Variants in TBC1D32 observed in about 807,000 individuals in gnomAD.
TBC1D32 encodes the protein TBC1 domain family member 32.
Under a neutral mutation model 170.3 loss-of-function variants are expected in TBC1D32, and 151 were observed. That is an observed-to-expected ratio of 0.89 (90% CI 0.78 to 1.01). The LOEUF is 1.01. Among genes scored for constraint, TBC1D32 ranks in the 50% least tolerant of loss-of-function variants. TBC1D32 has a pLI of 0.00. For missense variants in TBC1D32, 1,464 were observed against 1,457.1 expected (o/e 1.00, Z -0.08); for synonymous variants, 498 against 488.0 (o/e 1.02, Z -0.27).
intron 15 of TBC1D32, among the ~76,000 whole-genome samples, chr6:121,264,518 C>T (rs1800194645): frequency 6.6e-6 from 1 of 152,158 alleles, no homozygotes; most frequent in South Asian, 2.1e-4. Context: ...CCTGCTGAAA[C>T]TATTCCTAAC....
At chr6:121,295,894 G>A (rs891696132) in intron 10 of TBC1D32, among the ~76,000 whole-genome samples, 2 of 152,056 alleles carry the variant, frequency 1.3e-5, no homozygotes, top group African/African-American at 4.8e-5. Flanking sequence ...TAGCATCTAG[G>A]AACTTGGATT....
At position 121,292,188 on chromosome 6, in the gene TBC1D32, T is replaced by C. The variant is rs1414917889; in HGVS notation, c.1237A>G (p.Lys413Glu). 1.3e-6 allele frequency: 2 copies of C among 1,586,672 alleles called. No homozygotes were observed. Among genetic ancestry groups the C allele is most frequent in the Non-Finnish European group, 1.7e-6 (2 of 1,166,148 alleles). The change falls in exon 12 of 32, where the codon AAG becomes GAG. Residue 413 changes from lysine (K) to glutamate (E), a missense_variant. Physicochemically the swap from Lys to Glu is moderately conservative, Grantham distance 56. Transcript: ENST00000398212. ...CCTAAGTAGTAGAAAGTTTTCTGCT[T>C]GTTTCCTTAAAAGAGAAGCAAACAC... ...TLGHSKHCRN[K>E]QKTFYYLGQE...
chr6:121,284,694 C>CT (rs1345054998), intron 12 of TBC1D32, among the ~76,000 whole-genome samples: 3 of 151,984 alleles, frequency 2.0e-5, no homozygotes, highest in Admixed American at 1.3e-4. Context: ...GAATAAACCA[C>CT]TACAAACTCA....
rs537446039 is a variant in TBC1D32, at chr6:121,241,784, A to T, written c.2158-232T>A. On this transcript the variant is annotated intron_variant, in intron 18 of 31. Coordinates refer to ENST00000398212, the MANE Select transcript of TBC1D32 (RefSeq NM_152730.6). ...ACTGTTAAAGACTAAATTATATTGTAAATTTATTTAATAGTAGAATAATAG... is the reference window on the plus strand; with the variant it reads ...ACTGTTAAAGACTAAATTATATTGTTAATTTATTTAATAGTAGAATAATAG... Among the ~76,000 whole-genome samples, 141 of 152,314 alleles carry T rather than the reference A, an allele frequency of 9.3e-4. 1 individual carries two copies. Among genetic ancestry groups the T allele is most frequent in the African/African-American group, 3.2e-3 (135 of 41,586 alleles).
intron 22 of TBC1D32, among the ~76,000 whole-genome samples, chr6:121,197,197 C>T (rs1292344030): frequency 6.6e-6 from 1 of 152,160 alleles, no homozygotes; most frequent in Admixed American, 6.5e-5. Flanking sequence ...GTACGGAATA[C>T]AGGAGATCCA....
At chr6:121,131,832 G>C in intron 24 of TBC1D32, 80 bp from the exon 25 acceptor site, 1 of 1,136,000 alleles carries the variant, frequency 8.8e-7, no homozygotes, top group Non-Finnish European at 1.2e-6. Flanking sequence ...TATGTAAACA[G>C]TTGAAAATTC....
chr6:121,254,169 A>ATC (rs1344356667), intron 17 of TBC1D32, among the ~76,000 whole-genome samples: 1 of 152,214 alleles, frequency 6.6e-6, no homozygotes, highest in Non-Finnish European at 1.5e-5. Context: ...GTTCTCACTT[A>ATC]TAAGTGGGAG....
At chr6:121,145,509 T>C (rs1336768316) in intron 24 of TBC1D32, among the ~76,000 whole-genome samples, 1 of 152,140 alleles carries the variant, frequency 6.6e-6, no homozygotes, top group South Asian at 2.1e-4. Flanking sequence ...TTCAGTTAAA[T>C]AAAAGGAATA....
intron 22 of TBC1D32, among the ~76,000 whole-genome samples, chr6:121,186,175 G>GC (rs1305102809): frequency 6.6e-6 from 1 of 152,100 alleles, no homozygotes; most frequent in African/African-American, 2.4e-5. Context: ...AATGTTTGAA[G>GC]CTTCTCATAT....
intron 22 of TBC1D32, among the ~76,000 whole-genome samples, chr6:121,191,755 T>C (rs1049161785): frequency 6.6e-6 from 1 of 152,182 alleles, no homozygotes; most frequent in Admixed American, 6.6e-5. Flanking sequence ...GGTGTGTCTG[T>C]GAGGGTGTTG....
intron 3 of TBC1D32, among the ~76,000 whole-genome samples, chr6:121,311,588 C>T (rs10457415): frequency 0.41 from 61,623 of 151,820 alleles, 15,760 homozygotes; most frequent in Non-Finnish European, 0.58. Context: ...ACTACCTGGG[C>T]ATGGTGGCAC....
chr6:121,155,074 C>A (rs1784708425), intron 24 of TBC1D32, among the ~76,000 whole-genome samples: 1 of 152,158 alleles, frequency 6.6e-6, no homozygotes, highest in Non-Finnish European at 1.5e-5. Flanking sequence ...AGCACTGAAT[C>A]TATAAATTGC....
intron 1 of TBC1D32, among the ~76,000 whole-genome samples, chr6:121,330,207 T>C (rs767727194): frequency 6.6e-6 from 1 of 152,204 alleles, no homozygotes; most frequent in African/African-American, 2.4e-5. Flanking sequence ...CTAATTTTTA[T>C]ATTTTTTGTA....
intron 5 of TBC1D32, 49 bp from the exon 6 acceptor site, chr6:121,304,882 A>G: frequency 8.3e-7 from 1 of 1,210,804 alleles, no homozygotes; most frequent in South Asian, 1.3e-5. Flanking sequence ...ACAAGAATAG[A>G]ATAGAGATGA....
At chr6:121,091,153 A>T (rs1370688638) in intron 30 of TBC1D32, 112 bp from the exon 31 acceptor site, 2 of 849,034 alleles carry the variant, frequency 2.4e-6, no homozygotes, top group Non-Finnish European at 3.6e-6. Context: ...TTAGGGCTTA[A>T]TCAAAATACA....
chr6:121,130,016 A>G (rs1262180462), intron 25 of TBC1D32: 1 of 394,792 alleles, frequency 2.5e-6, no homozygotes. Flanking sequence ...TAGAAATCAC[A>G]AAAACATATC....
intron 30 of TBC1D32, among the ~76,000 whole-genome samples, chr6:121,102,455 C>T (rs1778223981): frequency 6.6e-6 from 1 of 152,118 alleles, no homozygotes; most frequent in Admixed American, 6.5e-5. Flanking sequence ...ACCATCTGAT[C>T]TTTGACAAAC....
At position 121,170,604 on chromosome 6, in the gene TBC1D32, A is replaced by G. The variant is rs1176937952; in HGVS notation, c.2571-9548T>C. The G allele has an allele frequency of 4.7e-6, 5 of 1,053,800 alleles. No homozygotes were observed. In the Admixed American group the frequency reaches 1.2e-4, roughly 26 times the overall value. The allele number at this position is 1,053,800 out of a possible 1,614,324, so 65.3% of individuals were successfully genotyped here. ...CATAATTACATCCTTGATGTCTCAAAGTAATACCTGTACATCAAAATCTAA... is the reference window on the plus strand; with the variant it reads ...CATAATTACATCCTTGATGTCTCAAGGTAATACCTGTACATCAAAATCTAA... On this transcript the variant is annotated intron_variant, in intron 22 of 31. Transcript: ENST00000398212.
At chr6:121,224,579 GC>G (rs1277905230) in intron 20 of TBC1D32, 1 of 152,062 alleles carries the variant, frequency 6.6e-6, no homozygotes, top group African/African-American at 2.4e-5. Context: ...AAAGTTGGTA[GC>G]AAAAATAATC....
Sources: gnomAD v4.1 joint callset for allele counts (sites outside exome capture counted in the v4.1 genomes callset) on GRCh38, gnomAD v4.1.1 for gene constraint, MANE v1.5 for transcripts, NCBI Gene and HGNC (gene_info 2026-07-23, HGNC 2026-07-21) for gene names.